The following MARF1 variants were observed in gnomAD, a reference collection of about 807,000 sequenced individuals.
MARF1 encodes the protein limkain-b1.
Under a neutral mutation model 168.2 loss-of-function variants are expected in MARF1, and 24 were observed. The ratio of observed to expected loss-of-function variants is 0.14; its 90% CI spans 0.10 to 0.20. The LOEUF (loss-of-function observed/expected upper bound fraction) is 0.20, where lower values mean the gene tolerates loss of function less well. MARF1 is among the 10% of genes least tolerant of loss of function. The probability of loss-of-function intolerance (pLI) is 1.00; values close to 1 mark genes in which losing one functional copy is unlikely to be tolerated. For synonymous variants in MARF1, 868 were observed against 822.4 expected (o/e 1.06, Z -0.95); for missense variants, 1,744 against 2,143.6 (o/e 0.81, Z 3.68).
In MARF1 at chr16:15,617,860, CTG is replaced by C. The variant is rs540449686; in HGVS notation, c.2721-327_2721-326del. Among the ~76,000 whole-genome samples the C allele has an allele frequency of 3.4e-4, 52 of 152,296 alleles. No individual in the cohort carries two copies. The East Asian group carries it at 0.01, about 29-fold the overall frequency. On this transcript the variant is annotated intron_variant, in intron 13 of 26. Coordinates refer to ENST00000396368, the MANE Select transcript of MARF1 (RefSeq NM_014647.4). ...TGCAGCTCCCCTCACTTCCAATTCT[CTG>C]TGTTACTTCTCACCATCCCCATTCT...
rs772183230 is a variant in MARF1 at position 15,633,871 on chromosome 16, CT to C, written c.1007-29del. The C allele has an allele frequency of 2.0e-6, 3 of 1,533,242 alleles. 1 individual carries two copies. The highest frequency in any genetic ancestry group is 2.7e-6 in the Non-Finnish European group (3 of 1,120,450). The allele number at this position is 1,533,242 out of a possible 1,614,324, so 95.0% of individuals were successfully genotyped here. A position where few individuals can be genotyped will look rare whatever the true frequency, so the allele number is the denominator to read the frequency against. On this transcript the variant is annotated intron_variant, in intron 4 of 26. Transcript: ENST00000396368. ...TAAGAAATGTTAACATTTTCAATTA[CT>C]TGTAGTGGAAAATAAATGGCAAGTT... is the stretch of plus-strand genomic sequence containing the variant.
intron 2 of MARF1, 112 bp downstream of exon 2, chr16:15,638,978 A>G (rs1847274508): frequency 9.2e-7 from 1 of 1,082,006 alleles, no homozygotes; most frequent in Non-Finnish European, 1.3e-6. Context: ...CAAGATCTAC[A>G]GAAAAATGTG....
chr16:15,597,749 C>T (rs1352127320), intron 26 of MARF1, among the ~76,000 whole-genome samples: 2 of 152,116 alleles, frequency 1.3e-5, no homozygotes, highest in East Asian at 3.9e-4. Context: ...CTCTCTTGTC[C>T]GGTGCATGCA....
At chr16:15,618,597 C>A (rs1230494389) in intron 13 of MARF1, among the ~76,000 whole-genome samples, 1 of 152,172 alleles carries the variant, frequency 6.6e-6, no homozygotes, top group Admixed American at 6.5e-5. Context: ...TCTTGGCACA[C>A]ATCCTGGGTG....
At position 15,636,128 on chromosome 16, in the gene MARF1, C is replaced by T. The variant is rs2035581214; in HGVS notation, c.359G>A (p.Gly120Asp). ...GCTACTGGTACCTCCGCTACCGCCA[C>T]CACCACCACCAAAACGCATTGGCGA... Reference protein sequence around the residue: ...STSPMRFGGGGGGSGGTSSLI... With the variant: ...STSPMRFGGGDGGSGGTSSLI... Residue 120 changes from glycine (G) to aspartate (D), a missense_variant, in exon 3 of 27, where the codon GGT becomes GAT. Physicochemically the swap from Gly to Asp is moderately conservative, Grantham distance 94. Transcript: ENST00000396368. 6.2e-7 allele frequency: 1 copy of T among 1,614,202 alleles called. No homozygotes were observed. Among genetic ancestry groups the T allele is most frequent in the Non-Finnish European group, 8.5e-7 (1 of 1,180,028 alleles).
chr16:15,617,137 G>C lies in MARF1; in HGVS notation c.2992C>G (p.Pro998Ala), dbSNP rs765271468. ...GTCTTCAAAGAAAGAATCACAAAAG[G>C]AATCTTGTAAGAGTCTGGATCAAAT... ...HEFDPDSYKI[P>A]FVILSLKTFA... The change falls in exon 15 of 27, where the codon CCT becomes GCT. Residue 998 changes from proline (P) to alanine (A), a missense_variant. Physicochemically the swap from Pro to Ala is conservative, Grantham distance 27. Coordinates refer to ENST00000396368, the MANE Select transcript of MARF1 (RefSeq NM_014647.4). 11 of 1,614,158 alleles carry C rather than the reference G, an allele frequency of 6.8e-6. No homozygotes were observed. Among genetic ancestry groups the C allele is most frequent in the South Asian group, 5.5e-5 (5 of 91,082 alleles).
At chr16:15,624,327 C>T (rs1341221466) in intron 10 of MARF1, among the ~76,000 whole-genome samples, 4 of 152,216 alleles carry the variant, frequency 2.6e-5, no homozygotes, top group African/African-American at 9.6e-5. Context: ...CTCTGTCTCC[C>T]AAGCATCAAG....
intron 17 of MARF1, 71 bp downstream of exon 17, chr16:15,612,486 T>C: frequency 7.5e-7 from 1 of 1,341,306 alleles, no homozygotes; most frequent in East Asian, 2.3e-5. Flanking sequence ...AACTGTTTCT[T>C]TGATGGAGGC....
intron 23 of MARF1, chr16:15,601,329 G>C (rs1445435873): frequency 6.2e-6 from 2 of 323,802 alleles, no homozygotes; most frequent in Non-Finnish European, 6.1e-6. Context: ...CTCTGCAGTG[G>C]CCAGGATCCT....
rs761639801 is a variant in MARF1, at chr16:15,621,886, T to C, written c.2486A>G (p.His829Arg). Reference protein sequence around the residue: ...GKVKSVELSPHTDYQLKAVVQ... With the variant: ...GKVKSVELSPRTDYQLKAVVQ... ...AACAGCCTTGAGTTGATAATCTGTATGGGGGCTGAGCTCAACACTCTTCAC... is the reference window on the plus strand; with the variant it reads ...AACAGCCTTGAGTTGATAATCTGTACGGGGGCTGAGCTCAACACTCTTCAC... Residue 829 changes from histidine (H) to arginine (R), a missense_variant, in exon 12 of 27, where the codon CAT (histidine) becomes CGT (arginine). Physicochemically the swap from His to Arg is conservative, Grantham distance 29. Around this residue, in one of 7 missense-constraint regions of MARF1, gnomAD observed 543 missense variants for 742.1 expected, o/e 0.73. Transcript: ENST00000396368. 10 of 1,613,984 alleles carry C rather than the reference T, an allele frequency of 6.2e-6. No individual in the cohort carries two copies. The highest frequency in any genetic ancestry group is 1.7e-5 in the Admixed American group (1 of 59,982).
intron 12 of MARF1, among the ~76,000 whole-genome samples, chr16:15,620,896 T>C (rs1053706960): frequency 3.3e-5 from 5 of 152,046 alleles, no homozygotes; most frequent in African/African-American, 1.2e-4. Flanking sequence ...TACAACATAA[T>C]CTCAACTACA....
chr16:15,642,354 T>C (rs969882910), intron 1 of MARF1: 1 of 151,956 alleles, frequency 6.6e-6, no homozygotes, highest in African/African-American at 2.4e-5. Flanking sequence ...CTTAGTACAA[T>C]GCCTGGCATA....
At chr16:15,641,420 A>T (rs2151339690) in intron 1 of MARF1, among the ~76,000 whole-genome samples, 1 of 152,348 alleles carries the variant, frequency 6.6e-6, no homozygotes, top group East Asian at 1.9e-4. Context: ...AGAATCTGTG[A>T]TATTCACAGT....
chr16:15,623,373 G>T, intron 10 of MARF1, among the ~76,000 whole-genome samples: 1 of 135,422 alleles, frequency 7.4e-6, no homozygotes, highest in African/African-American at 2.9e-5. Flanking sequence ...TCCACCTCCT[G>T]GATTCAAGCA....
intron 11 of MARF1, among the ~76,000 whole-genome samples, chr16:15,622,313 C>T (rs2034520772): frequency 6.6e-6 from 1 of 151,934 alleles, no homozygotes; most frequent in Non-Finnish European, 1.5e-5. Flanking sequence ...GACCAGCCAA[C>T]ATTATTTTAG....
intron 22 of MARF1, chr16:15,602,556 G>A: frequency 2.2e-6 from 1 of 462,046 alleles, no homozygotes; most frequent in Non-Finnish European, 4.2e-6. Flanking sequence ...ACGACGAATT[G>A]GACAAAGACA....
chr16:15,606,704 C>T (rs753442583), intron 21 of MARF1, among the ~76,000 whole-genome samples: 3 of 152,166 alleles, frequency 2.0e-5, no homozygotes, highest in Non-Finnish European at 2.9e-5. Context: ...GTTTCCTAGT[C>T]TCCCACACCT....
chr16:15,602,488 C>A (rs557398531), intron 22 of MARF1: 1 of 556,828 alleles, frequency 1.8e-6, no homozygotes, highest in South Asian at 1.8e-5. Flanking sequence ...AACAAGAAGA[C>A]GAAGACAAGA....
In MARF1 at chr16:15,635,727, A is replaced by G; in HGVS notation, c.760T>C (p.Ser254Pro). 6.2e-7 allele frequency: 1 copy of G among 1,614,218 alleles called. No homozygotes were observed. The highest frequency in any genetic ancestry group is 8.5e-7 in the Non-Finnish European group (1 of 1,180,044). ...GGAGGTACCACATTAAGGTGCAAAG[A>G]GTTGGTGCACAAGTGAGGCGTTAGC... Reference protein sequence around the residue: ...SELTPHLCTNSLHLNVVPPVC... With the variant: ...SELTPHLCTNPLHLNVVPPVC... Residue 254 changes from serine (S) to proline (P), a missense_variant, in exon 3 of 27, where the codon TCT becomes CCT. By Grantham distance (74) the Ser-to-Pro change is moderately conservative. Transcript: ENST00000396368.
Sources: allele counts gnomAD v4.1 joint callset (sites outside exome capture counted in the v4.1 genomes callset), GRCh38; gene constraint gnomAD v4.1.1; regional missense constraint gnomAD v4.1.1; transcripts MANE v1.5; gene names NCBI Gene and HGNC (gene_info 2026-07-23, HGNC 2026-07-21).